Variants in ZCCHC8 observed in about 807,000 individuals in gnomAD.
ZCCHC8 encodes zinc finger CCHC domain-containing protein 8.
A neutral mutation model predicts 70.6 loss-of-function variants in ZCCHC8; 27 were observed. The observed-to-expected ratio is 0.38, with a 90% CI of 0.28 to 0.53. ZCCHC8 has a LOEUF of 0.53. ZCCHC8 is among the 20% of genes least tolerant of loss of function. The pLI is 0.81. For missense variants in ZCCHC8, 737 were observed against 876.9 expected, an observed-to-expected ratio of 0.84 and a Z score of 2.01; for synonymous variants, 293 against 317.4, an observed-to-expected ratio of 0.92 and a Z score of 0.82.
At chr12:122,476,474 C>T (rs1043796548) in intron 13 of ZCCHC8, among the ~76,000 whole-genome samples, 7 of 151,888 alleles carry the variant, frequency 4.6e-5, no homozygotes, top group Non-Finnish European at 7.4e-5. Context: ...TATGCCTATA[C>T]TCCCAGCTAC....
chr12:122,491,443 C>A (rs1001868640), intron 3 of ZCCHC8, among the ~76,000 whole-genome samples: 1 of 150,360 alleles, frequency 6.7e-6, no homozygotes, highest in African/African-American at 2.5e-5. Flanking sequence ...GCAAGAGAAT[C>A]GCTTGAACCC....
chr12:122,481,629 T>C lies in ZCCHC8; in HGVS notation c.911A>G (p.Lys304Arg), dbSNP rs781446496. The C allele has an allele frequency of 1.9e-6, 3 of 1,613,736 alleles. No homozygotes were observed. The highest frequency in any genetic ancestry group is 4.5e-5 in the East Asian group (2 of 44,892). ...ELQDALGVTDKSLPPFIYRMR... is the reference protein window; with the variant it reads ...ELQDALGVTDRSLPPFIYRMR... ...CCGATAGATAAAAGGTGGAAGACTC[T>C]TGTCTGTCACACCTAGTGCATCTTG... is the stretch of plus-strand genomic sequence containing the variant. The change falls in exon 10 of 14, where the codon AAG becomes AGG. Residue 304 changes from lysine to arginine, a missense_variant. Coordinates refer to ENST00000633063, the MANE Select transcript of ZCCHC8 (RefSeq NM_017612.5).
chr12:122,474,892 G>A (rs770016956), intron 13 of ZCCHC8, among the ~76,000 whole-genome samples: 15 of 151,598 alleles, frequency 9.9e-5, no homozygotes, highest in Non-Finnish European at 1.8e-4. Flanking sequence ...GCACCACCAC[G>A]CCTGGCAAAT....
chr12:122,488,390 G>A (rs1422318021), intron 5 of ZCCHC8, among the ~76,000 whole-genome samples: 1 of 151,866 alleles, frequency 6.6e-6, no homozygotes, highest in Non-Finnish European at 1.5e-5. Context: ...ATGTTGCCCA[G>A]GCTAGTCTGG....
In ZCCHC8 at chr12:122,473,070, TCA is replaced by T. The variant is rs914794644; in HGVS notation, c.*425_*426del. 5 of 158,436 alleles carry T rather than the reference TCA, an allele frequency of 3.2e-5. No individual in the cohort carries two copies. Among genetic ancestry groups the T allele is most frequent in the African/African-American group, 1.2e-4 (5 of 41,556 alleles). The allele number at this position is 158,436 out of a possible 1,614,324, so 9.8% of individuals were successfully genotyped here. On this transcript the variant is annotated 3_prime_UTR_variant, in exon 14 of 14. Coordinates refer to ENST00000633063, the MANE Select transcript of ZCCHC8 (RefSeq NM_017612.5). ...TAAAGCTGCTCATCCCTGATTTTTC[TCA>T]TTTGGTTGTAGGAGTTGAAACATGA...
chr12:122,473,851 T>G lies in ZCCHC8; in HGVS notation c.1770A>C (p.Lys590Asn), dbSNP rs375049593. The G allele has an allele frequency of 1.9e-5, 30 of 1,613,814 alleles. No individual in the cohort carries two copies. Among genetic ancestry groups the G allele is most frequent in the Non-Finnish European group, 2.5e-5 (30 of 1,179,882 alleles). The change falls in exon 14 of 14, where the codon AAA (lysine) becomes AAC (asparagine). Residue 590 changes from lysine (K) to asparagine (N), a missense_variant. Coordinates refer to ENST00000633063, the MANE Select transcript of ZCCHC8 (RefSeq NM_017612.5). ...GACTGGAGGCATGTCCAGCTTCTGA[T>G]TTCTTTGTAAAAATCTCTGGTACCT... ...EPEVPEIFTK[K>N]SEAGHASSPD...
intron 5 of ZCCHC8, among the ~76,000 whole-genome samples, chr12:122,487,233 C>A (rs1957658615): frequency 6.6e-6 from 1 of 152,226 alleles, no homozygotes; most frequent in Non-Finnish European, 1.5e-5. Context: ...CAATGTAATT[C>A]GATGAGAGCT....
intron 1 of ZCCHC8, chr12:122,499,568 T>C (rs1957883491): frequency 6.6e-6 from 1 of 152,226 alleles, no homozygotes; most frequent in South Asian, 2.1e-4. Context: ...AGTGCTGGGA[T>C]TACAGGCTTG....
chr12:122,483,215 C>G lies in ZCCHC8; in HGVS notation c.671+64G>C. The stretch of plus-strand genomic sequence containing the variant: ...CAGTAAAGAACATGAACTTTTCAAG[C>G]CAAAAGTTTATGATTTTGGTTAAAA... On this transcript the variant is annotated intron_variant, in intron 7 of 13. Coordinates refer to ENST00000633063, the MANE Select transcript of ZCCHC8 (RefSeq NM_017612.5). This position sits in a 1 kb window ranked among gnomAD's most constrained non-coding sequence, Gnocchi z 4.4. 2 of 1,467,296 alleles carry G rather than the reference C, an allele frequency of 1.4e-6. No homozygotes were observed. Among genetic ancestry groups the G allele is most frequent in the Non-Finnish European group, 9.3e-7 (1 of 1,078,496 alleles). 90.9% of individuals were successfully genotyped at this position (1,467,296 alleles called of 1,614,324 possible).
At chr12:122,492,910 G>T (rs751108553) in intron 2 of ZCCHC8, 121 bp from the exon 3 acceptor site, 3 of 673,358 alleles carry the variant, frequency 4.5e-6, no homozygotes, top group African/African-American at 1.8e-5. Context: ...TCACTCTGTC[G>T]CTCGTGCTGG....
In ZCCHC8 at chr12:122,473,212, ACT is replaced by A; in HGVS notation, c.*283_*284del. ...GTACAAAAGACAGATAAAAACCATCACTCTCGACGGATAGTCACAATCCAAAA... is the reference window on the plus strand; with the variant it reads ...GTACAAAAGACAGATAAAAACCATCACTCGACGGATAGTCACAATCCAAAA... On this transcript the variant is annotated 3_prime_UTR_variant, in exon 14 of 14. Coordinates refer to ENST00000633063, the MANE Select transcript of ZCCHC8 (RefSeq NM_017612.5). 1 of 333,382 alleles carries A rather than the reference ACT, an allele frequency of 3.0e-6. No homozygotes were observed. The highest frequency in any genetic ancestry group is 5.5e-6 in the Non-Finnish European group (1 of 183,226). 20.7% of individuals were successfully genotyped at this position (333,382 alleles called of 1,614,324 possible). A position where few individuals can be genotyped will look rare whatever the true frequency, so the allele number is the denominator to read the frequency against.
At position 122,478,443 on chromosome 12, in the gene ZCCHC8, T is replaced by G. The variant is rs199938693; in HGVS notation, c.1141-151A>C. On this transcript the variant is annotated intron_variant, in intron 11 of 13. Coordinates refer to ENST00000633063, the MANE Select transcript of ZCCHC8 (RefSeq NM_017612.5). ...CTTTATTGGAAATTAAGGAAAATAATGTGTTGAAGGAAAACTAAACTTGCC... is the reference window on the plus strand; with the variant it reads ...CTTTATTGGAAATTAAGGAAAATAAGGTGTTGAAGGAAAACTAAACTTGCC... 93 of 623,206 alleles carry G rather than the reference T, an allele frequency of 1.5e-4. 4 individuals are homozygous for G. The highest frequency in any genetic ancestry group is 4.1e-5 in the South Asian group (2 of 48,784). 38.6% of individuals were successfully genotyped at this position (623,206 alleles called of 1,614,324 possible).
chr12:122,478,860 T>C (rs1482308891), intron 11 of ZCCHC8, among the ~76,000 whole-genome samples: 2 of 151,592 alleles, frequency 1.3e-5, no homozygotes, highest in Non-Finnish European at 3.0e-5. Context: ...CTCAAGAATG[T>C]ACATTTCTAA....
chr12:122,498,040 C>T (rs530201010), intron 2 of ZCCHC8, among the ~76,000 whole-genome samples: 1 of 150,152 alleles, frequency 6.7e-6, no homozygotes, highest in Non-Finnish European at 1.5e-5. Context: ...AATCTACACA[C>T]TTTATCTTTT....
At position 122,492,752 on chromosome 12, in the gene ZCCHC8, T is replaced by C; in HGVS notation, c.280A>G (p.Ile94Val). 6.5e-7 allele frequency: 1 copy of C among 1,548,944 alleles called. No individual in the cohort carries two copies. Among genetic ancestry groups the C allele is most frequent in the Admixed American group, 1.9e-5 (1 of 51,678 alleles). Residue 94 changes from isoleucine (I) to valine (V), a missense_variant, in exon 3 of 14, where the codon ATA (isoleucine) becomes GTA (valine). Ile to Val is a conservative substitution (Grantham distance 29). Coordinates refer to ENST00000633063, the MANE Select transcript of ZCCHC8 (RefSeq NM_017612.5). ...LVNDTKLDGP[I>V]LQILFMNNAI... ...TTGTTCATGAATAGAATCTGTAATA[T>C]AGGTCCATCTAACTTAGTATCGTTC...
chr12:122,494,389 T>TA (rs60678865), intron 2 of ZCCHC8, among the ~76,000 whole-genome samples: 4,242 of 120,242 alleles, frequency 0.035, 200 homozygotes, highest in African/African-American at 0.12. Flanking sequence ...CCGTTTCTAC[T>TA]AAAAAAAAAA....
chr12:122,485,069 G>A (rs1957606656), intron 5 of ZCCHC8, among the ~76,000 whole-genome samples: 1 of 152,170 alleles, frequency 6.6e-6, no homozygotes, highest in African/African-American at 2.4e-5. Flanking sequence ...CCCATGGTAT[G>A]TAGTATAATA....
intron 4 of ZCCHC8, among the ~76,000 whole-genome samples, 167 bp downstream of exon 4, chr12:122,490,295 C>G (rs959903738): frequency 6.6e-6 from 1 of 152,132 alleles, no homozygotes; most frequent in African/African-American, 2.4e-5. Context: ...GGTAAAAGAA[C>G]GCTGTGTGGC....
chr12:122,482,850 C>A (rs1957562557), intron 7 of ZCCHC8, 155 bp from the exon 8 acceptor site: 3 of 623,882 alleles, frequency 4.8e-6, no homozygotes, highest in Non-Finnish European at 8.3e-6. Context: ...ACTTTAATCT[C>A]CTTTATTTAG....
Sources: gnomAD v4.1 joint callset for allele counts (sites outside exome capture counted in the v4.1 genomes callset) on GRCh38, gnomAD v4.1.1 for gene constraint, Gnocchi (gnomAD v3.1) non-coding constraint, MANE v1.5 for transcripts, NCBI Gene and HGNC (gene_info 2026-07-23, HGNC 2026-07-21) for gene names.